DROSHA: variants seen among roughly 807,000 people sequenced by gnomAD.
DROSHA encodes drosha ribonuclease III, also known as ribonuclease 3.
A neutral mutation model predicts 181.9 loss-of-function variants in DROSHA; 56 were observed. That is an observed-to-expected ratio of 0.31 (90% confidence interval 0.25 to 0.38). The LOEUF is 0.38. Ranked by LOEUF, DROSHA falls within the 10% of genes least tolerant of loss-of-function variation. The pLI is 1.00. For missense variants in DROSHA, 1,218 were observed against 1,743.5 expected (o/e 0.70, Z 5.37); for synonymous variants, 524 against 591.2 (o/e 0.89, Z 1.65).
chr5:31,472,326 G>A, intron 16 of DROSHA, 94 bp from the exon 17 acceptor site: 1 of 1,362,070 alleles, frequency 7.3e-7, no homozygotes, highest in Non-Finnish European at 9.8e-7. Flanking sequence ...ACAAGACAAT[G>A]GAGGAAAAAG....
chr5:31,451,751 A>AG, intron 20 of DROSHA, 111 bp from the exon 21 acceptor site: 1 of 834,484 alleles, frequency 1.2e-6, no homozygotes, highest in Non-Finnish European at 1.9e-6. Flanking sequence ...CATCTCACTA[A>AG]GTCCTGAAAC....
intron 30 of DROSHA, among the ~76,000 whole-genome samples, chr5:31,417,837 A>G (rs1742140569): frequency 6.6e-6 from 1 of 152,152 alleles, no homozygotes; most frequent in African/African-American, 2.4e-5. Context: ...TTTGTTGTGA[A>G]GAGACTCCTT....
At chr5:31,512,833 T>C (rs894980679) in intron 8 of DROSHA, among the ~76,000 whole-genome samples, 6 of 152,180 alleles carry the variant, frequency 3.9e-5, no homozygotes, top group African/African-American at 1.4e-4. Context: ...TGCCCACACC[T>C]GACAGCCAAC....
chr5:31,457,347 A>G (rs1747798320), intron 20 of DROSHA, among the ~76,000 whole-genome samples: 1 of 151,932 alleles, frequency 6.6e-6, no homozygotes, highest in Non-Finnish European at 1.5e-5. Flanking sequence ...CTGGTCTCGA[A>G]CTACTGACCT....
At chr5:31,422,662 C>G in intron 29 of DROSHA, 125 bp downstream of exon 29, 1 of 1,231,302 alleles carries the variant, frequency 8.1e-7, no homozygotes, top group African/African-American at 1.5e-5. Context: ...GCTCACCCAT[C>G]TCACAATGTG....
In DROSHA at chr5:31,526,121, C is replaced by G; in HGVS notation, c.812G>C (p.Arg271Pro). ...GCGGTGGCGAGATGGTGTTCTCCCT[C>G]GGTCATAATCAGATCTGTACCGGCT... ...QDSRYRSDYD[R>P]GRTPSRHRSY... The change falls in exon 5 of 36, where the codon CGA becomes CCA. Residue 271 changes from arginine (R) to proline (P), a missense_variant. Physicochemically the swap from Arg to Pro is moderately radical, Grantham distance 103 (BLOSUM62 -2). This residue lies in a region of DROSHA where 536 missense variants were observed against 535.4 expected (regional missense o/e 1.00). Coordinates refer to ENST00000344624, the MANE Select transcript of DROSHA (RefSeq NM_001382508.1). The G allele has an allele frequency of 6.2e-7, 1 of 1,604,794 alleles. No individual in the cohort carries two copies. Among genetic ancestry groups the G allele is most frequent in the Non-Finnish European group, 8.5e-7 (1 of 1,172,454 alleles).
chr5:31,496,323 G>A (rs1370618249), intron 11 of DROSHA, among the ~76,000 whole-genome samples: 1 of 152,156 alleles, frequency 6.6e-6, no homozygotes, highest in East Asian at 1.9e-4. Flanking sequence ...AGCTACTCAG[G>A]AGGTTGAGGC....
rs1313942402 is a variant in DROSHA at position 31,400,517 on chromosome 5, C to T, written c.*915G>A. 1 of 152,184 alleles carries T rather than the reference C, an allele frequency of 6.6e-6. No homozygotes were observed. The highest frequency in any genetic ancestry group is 2.4e-5 in the African/African-American group (1 of 41,444). 9.4% of individuals were successfully genotyped at this position (152,184 alleles called of 1,614,324 possible). ...GATTTGTTTTACAAAGAAGTTTTGCCTTTATTAATAAGAAACCAGTGATGT... is the reference window on the plus strand; with the variant it reads ...GATTTGTTTTACAAAGAAGTTTTGCTTTTATTAATAAGAAACCAGTGATGT... On this transcript the variant is annotated 3_prime_UTR_variant, in exon 36 of 36. Coordinates refer to ENST00000344624, the MANE Select transcript of DROSHA (RefSeq NM_001382508.1).
At chr5:31,484,380 C>CAAAAAAAAAA (rs377304788) in intron 15 of DROSHA, among the ~76,000 whole-genome samples, 2 of 82,988 alleles carry the variant, frequency 2.4e-5, no homozygotes, top group African/African-American at 6.0e-5. Flanking sequence ...GACTCCGTCT[C>CAAAAAAAAAA]AAAAAAAAAA....
intron 23 of DROSHA, among the ~76,000 whole-genome samples, chr5:31,438,036 C>T (rs1214603101): frequency 6.6e-6 from 1 of 152,200 alleles, no homozygotes; most frequent in Admixed American, 6.5e-5. Context: ...CCTCAGTGCA[C>T]AGATCACACT....
intron 9 of DROSHA, among the ~76,000 whole-genome samples, 187 bp downstream of exon 9, chr5:31,510,848 T>C (rs1448296287): frequency 6.6e-6 from 1 of 152,170 alleles, no homozygotes; most frequent in Admixed American, 6.5e-5. Flanking sequence ...TTCTGCCAAA[T>C]GAACTAAGGA....
chr5:31,448,667 C>G, intron 22 of DROSHA, 60 bp from the exon 23 acceptor site: 1 of 1,317,322 alleles, frequency 7.6e-7, no homozygotes, highest in Non-Finnish European at 1.1e-6. Context: ...ATAGGACCAT[C>G]ATATTACAGT....
chr5:31,513,218 G>A (rs1017943477), intron 8 of DROSHA, among the ~76,000 whole-genome samples: 14 of 152,296 alleles, frequency 9.2e-5, no homozygotes, highest in Middle Eastern at 3.4e-3. Flanking sequence ...GTGAGGATGC[G>A]GGTGTGTAAG....
chr5:31,452,474 T>A (rs1747144715), intron 20 of DROSHA, among the ~76,000 whole-genome samples: 1 of 152,216 alleles, frequency 6.6e-6, no homozygotes, highest in Non-Finnish European at 1.5e-5. Context: ...GATAATTTCA[T>A]GGAAGTCATA....
intron 19 of DROSHA, among the ~76,000 whole-genome samples, chr5:31,465,776 C>T (rs1325347039): frequency 6.6e-6 from 1 of 152,064 alleles, no homozygotes; most frequent in African/African-American, 2.4e-5. Flanking sequence ...CCCTCTCTTC[C>T]TCCCTCTTCT....
At chr5:31,417,155 C>A (rs949924845) in intron 30 of DROSHA, among the ~76,000 whole-genome samples, 1 of 152,146 alleles carries the variant, frequency 6.6e-6, no homozygotes, top group African/African-American at 2.4e-5. Flanking sequence ...GACATCTGAA[C>A]AGAGACCTGA....
chr5:31,529,062 T>A lies in DROSHA; in HGVS notation c.-3A>T. The stretch of plus-strand genomic sequence containing the variant: ...CACCATGTGTTTCCCTGCATCATGA[T>A]GTTCCGCCTGGATATGTCACATCTT... On this transcript the variant is annotated 5_prime_UTR_variant, in exon 4 of 36. Coordinates refer to ENST00000344624, the MANE Select transcript of DROSHA (RefSeq NM_001382508.1). 1 of 1,613,190 alleles carries A rather than the reference T, an allele frequency of 6.2e-7. No individual in the cohort carries two copies. Among genetic ancestry groups the A allele is most frequent in the Non-Finnish European group, 8.5e-7 (1 of 1,179,660 alleles).
At chr5:31,452,786 G>A (rs1747178652) in intron 20 of DROSHA, among the ~76,000 whole-genome samples, 1 of 152,160 alleles carries the variant, frequency 6.6e-6, no homozygotes. Context: ...GTATATAATT[G>A]AGCACCTCCA....
intron 23 of DROSHA, among the ~76,000 whole-genome samples, chr5:31,438,217 C>A (rs1467120173): frequency 6.6e-6 from 1 of 152,172 alleles, no homozygotes; most frequent in Non-Finnish European, 1.5e-5. Flanking sequence ...TCTCTCACTG[C>A]CCCGTTGGTT....
Sources: gnomAD v4.1 joint callset for allele counts (sites outside exome capture counted in the v4.1 genomes callset) on GRCh38, gnomAD v4.1.1 for gene constraint, gnomAD v4.1.1 regional missense constraint, MANE v1.5 for transcripts, NCBI Gene and HGNC (gene_info 2026-07-23, HGNC 2026-07-21) for gene names.